The following ARK2N variants were observed in gnomAD, a reference collection of about 807,000 sequenced individuals.
The protein encoded by ARK2N is protein ARK2N.
chr18:46,241,599 T>C, the ARK2N span, among the ~76,000 whole-genome samples: 4 of 150,860 alleles, frequency 2.7e-5, no homozygotes, highest in Non-Finnish European at 4.4e-5. Context: ...GGTGTGGTGG[T>C]GGGCGTGGTG....
At chr18:46,198,310 CAAAAAAAAAAA>C in the ARK2N span, among the ~76,000 whole-genome samples, 4 of 69,114 alleles carry the variant, frequency 5.8e-5, no homozygotes, top group Non-Finnish European at 7.9e-5. Flanking sequence ...ACTCCATCTC[CAAAAAAAAAAA>C]AAAAAAAAAA....
the ARK2N span, among the ~76,000 whole-genome samples, chr18:46,222,503 A>T: frequency 6.6e-6 from 1 of 152,208 alleles, no homozygotes; most frequent in Non-Finnish European, 1.5e-5. Context: ...TTGAAGTCTT[A>T]CTGGTGGGTA....
At chr18:46,265,320 AACC>A in the ARK2N span, 1 of 152,646 alleles carries the variant, frequency 6.6e-6, no homozygotes, top group Non-Finnish European at 1.5e-5. Flanking sequence ...TTCTTATGTT[AACC>A]ACATATTTTT....
At chr18:46,259,423 T>C in the ARK2N span, among the ~76,000 whole-genome samples, 2 of 151,948 alleles carry the variant, frequency 1.3e-5, no homozygotes, top group Admixed American at 6.6e-5. Flanking sequence ...TTTGTATTTT[T>C]AGTAGAGACG....
chr18:46,244,602 T>C, the ARK2N span, among the ~76,000 whole-genome samples: 2 of 21,356 alleles, frequency 9.4e-5, no homozygotes, highest in Admixed American at 5.2e-4. Flanking sequence ...AGAGTTTAGA[T>C]TTTTTTTTTT....
the ARK2N span, among the ~76,000 whole-genome samples, chr18:46,206,724 A>G: frequency 1.3e-5 from 2 of 152,062 alleles, no homozygotes; most frequent in African/African-American, 4.8e-5. Context: ...GTATGTTAGT[A>G]CCTTTTAACC....
the ARK2N span, among the ~76,000 whole-genome samples, chr18:46,253,476 GC>G: frequency 6.6e-6 from 1 of 152,174 alleles, no homozygotes; most frequent in Non-Finnish European, 1.5e-5. Context: ...TTTATGTACT[GC>G]CATGTTGTTT....
At chr18:46,237,691 A>C in the ARK2N span, among the ~76,000 whole-genome samples, 1 of 152,174 alleles carries the variant, frequency 6.6e-6, no homozygotes, top group Admixed American at 6.6e-5. Flanking sequence ...CCTGGCCCCA[A>C]GTGCTTTAAA....
the ARK2N span, among the ~76,000 whole-genome samples, chr18:46,257,113 G>T: frequency 6.6e-6 from 1 of 152,274 alleles, no homozygotes; most frequent in East Asian, 1.9e-4. Flanking sequence ...TAGATGTTTT[G>T]TTTGGATTTA....
At chr18:46,210,512 A>T in the ARK2N span, among the ~76,000 whole-genome samples, 1 of 152,208 alleles carries the variant, frequency 6.6e-6, no homozygotes, top group Non-Finnish European at 1.5e-5. Context: ...CTAAATACAG[A>T]TGTCAACTGG....
chr18:46,179,118 A>G, the ARK2N span, among the ~76,000 whole-genome samples: 1 of 151,218 alleles, frequency 6.6e-6, no homozygotes, highest in Non-Finnish European at 1.5e-5. Context: ...AATTTTTTAT[A>G]TTTTTGGTAG....
At chr18:46,244,981 T>C in the ARK2N span, among the ~76,000 whole-genome samples, 2 of 152,068 alleles carry the variant, frequency 1.3e-5, no homozygotes, top group Non-Finnish European at 2.9e-5. Flanking sequence ...TCGCTCAGGC[T>C]GGATGCGGTG....
chr18:46,216,411 A>C, the ARK2N span: 2 of 1,613,992 alleles, frequency 1.2e-6, no homozygotes, highest in Non-Finnish European at 1.7e-6. This position sits in a 1 kb window ranked among gnomAD's most constrained non-coding sequence, Gnocchi z 4.3. Flanking sequence ...ATCGGAGCCA[A>C]AAGCACAAGG....
chr18:46,185,736 C>G, the ARK2N span, among the ~76,000 whole-genome samples: 162 of 152,274 alleles, frequency 1.1e-3, no homozygotes, highest in African/African-American at 3.8e-3. Flanking sequence ...CCTGTAATCC[C>G]AGTACTTTGT....
the ARK2N span, among the ~76,000 whole-genome samples, chr18:46,189,995 C>G: frequency 6.6e-6 from 1 of 152,150 alleles, no homozygotes; most frequent in African/African-American, 2.4e-5. Flanking sequence ...CTAGTCTTAT[C>G]CTGAGAGGCA....
chr18:46,253,433 G>A, the ARK2N span, among the ~76,000 whole-genome samples: 1 of 152,140 alleles, frequency 6.6e-6, no homozygotes, highest in Non-Finnish European at 1.5e-5. Context: ...TTTATCCTAA[G>A]GAGTAGCGAG....
chr18:46,213,183 G>T, the ARK2N span, among the ~76,000 whole-genome samples: 1 of 151,366 alleles, frequency 6.6e-6, no homozygotes, highest in Non-Finnish European at 1.5e-5. Flanking sequence ...TGTATTTTTA[G>T]TAGAGATGGG....
At chr18:46,216,160 A>G in the ARK2N span, 1 of 1,613,994 alleles carries the variant, frequency 6.2e-7, no homozygotes, top group Non-Finnish European at 8.5e-7. This position sits in a 1 kb window ranked among gnomAD's most constrained non-coding sequence, Gnocchi z 4.3. Flanking sequence ...TAATCACTGC[A>G]TGCTTTCCCC....
At chr18:46,264,240 G>A in the ARK2N span, 1 of 152,748 alleles carries the variant, frequency 6.5e-6, no homozygotes, top group Admixed American at 6.5e-5. Context: ...GATTAGCAAA[G>A]GGTAGCAGGA....
Sources: allele counts gnomAD v4.1 joint callset (sites outside exome capture counted in the v4.1 genomes callset), GRCh38; gene constraint gnomAD v4.1.1; non-coding constraint Gnocchi (gnomAD v3.1); transcripts MANE v1.5; gene names NCBI Gene and HGNC (gene_info 2026-07-23, HGNC 2026-07-21).